NCK2: variants seen among roughly 807,000 people sequenced by gnomAD.
NCK2 encodes the protein cytoplasmic protein NCK2.
Under a neutral mutation model 33.9 loss-of-function variants are expected in NCK2, and 16 were observed. The observed-to-expected ratio is 0.47, with a 90% CI of 0.32 to 0.72. The LOEUF (loss-of-function observed/expected upper bound fraction) is 0.72, where lower values mean the gene tolerates loss of function less well. Ranked by LOEUF, NCK2 falls within the 30% of genes least tolerant of loss-of-function variation. The pLI is 0.03. For synonymous variants in NCK2, 273 were observed against 239.9 expected (o/e 1.14, Z -1.27); for missense variants, 418 against 537.3 (o/e 0.78, Z 2.19).
rs999222911 is a variant in NCK2, at chr2:105,837,215, A to C, written c.-16-17833A>C. On this transcript the variant is annotated intron_variant, in intron 2 of 4. Coordinates refer to ENST00000233154, the MANE Select transcript of NCK2 (RefSeq NM_003581.5). ...CTATTGTTTTAGTTCTTTGTGGATG[A>C]GGTGATTGCTGGGTGTGTCTCTAGT... Among the ~76,000 whole-genome samples the C allele has an allele frequency of 2.2e-4, 33 of 152,138 alleles. No homozygotes were observed. In the East Asian group the frequency reaches 4.6e-3, roughly 21 times the overall value.
In NCK2 at chr2:105,880,936, A is replaced by ATTTTTTTTTTTTTTTTTTTT. The variant is rs59005322; in HGVS notation, c.227-379_227-360dup. Among the ~76,000 whole-genome samples, 40 of 103,554 alleles carry ATTTTTTTTTTTTTTTTTTTT rather than the reference A, an allele frequency of 3.9e-4. 1 individual carries two copies. The highest frequency in any genetic ancestry group is 6.6e-4 in the Non-Finnish European group (34 of 51,854). 67.9% of individuals were successfully genotyped at this position (103,554 alleles called of 152,430 possible). A position where few individuals can be genotyped will look rare whatever the true frequency, so the allele number is the denominator to read the frequency against. On this transcript the variant is annotated intron_variant, in intron 3 of 4. Coordinates refer to ENST00000233154, the MANE Select transcript of NCK2 (RefSeq NM_003581.5). ...CACAGATGTGCACCACAGGTGGCTA[A>ATTTTTTTTTTTTTTTTTTTT]TTTTTTTTTTTTTTTTTTTTTTTTT...
intron 2 of NCK2, among the ~76,000 whole-genome samples, chr2:105,831,073 A>C (rs1363639483): frequency 6.6e-6 from 1 of 152,034 alleles, no homozygotes; most frequent in African/African-American, 2.4e-5. Flanking sequence ...AAAGCTTTTT[A>C]GTTTGATATA....
intron 3 of NCK2, among the ~76,000 whole-genome samples, chr2:105,875,173 T>G (rs1678183273): frequency 1.3e-5 from 2 of 152,180 alleles, no homozygotes; most frequent in South Asian, 4.1e-4. Flanking sequence ...AGCTCTATGC[T>G]CAGGAGCTCT....
At chr2:105,746,740 G>GT (rs1008288386) in intron 1 of NCK2, among the ~76,000 whole-genome samples, 1 of 152,218 alleles carries the variant, frequency 6.6e-6, no homozygotes, top group East Asian at 1.9e-4. Flanking sequence ...TTGTGAAGAA[G>GT]TGAACACGAG....
chr2:105,826,292 G>A (rs180687236), intron 2 of NCK2, among the ~76,000 whole-genome samples: 39 of 152,160 alleles, frequency 2.6e-4, no homozygotes, highest in South Asian at 8.3e-4. Context: ...GGGGGAAACC[G>A]CCCCCATGAC....
chr2:105,804,690 A>G (rs1424253987), intron 1 of NCK2, among the ~76,000 whole-genome samples: 1 of 152,222 alleles, frequency 6.6e-6, no homozygotes, highest in African/African-American at 2.4e-5. Context: ...TTGCAAATTT[A>G]TTTATTGAAT....
At chr2:105,867,174 T>C (rs1677798223) in intron 3 of NCK2, among the ~76,000 whole-genome samples, 2 of 152,244 alleles carry the variant, frequency 1.3e-5, no homozygotes, top group Admixed American at 1.3e-4. Context: ...AATGTTCCGC[T>C]TCTCCAACAA....
rs536759706 is a variant in NCK2, at chr2:105,840,413, C to T, written c.-16-14635C>T. ...GTGAAAAAATATGCAGTTTCTCCTA[C>T]TCTACTCTACTCTCACAACACACTT... is the stretch of plus-strand genomic sequence containing the variant. On this transcript the variant is annotated intron_variant, in intron 2 of 4. Transcript: ENST00000233154. Among the ~76,000 whole-genome samples, 5 of 152,220 alleles carry T rather than the reference C, an allele frequency of 3.3e-5. No homozygotes were observed. In the East Asian group the frequency reaches 9.6e-4, roughly 29 times the overall value.
chr2:105,837,981 A>C (rs1676495664), intron 2 of NCK2, among the ~76,000 whole-genome samples: 2 of 152,228 alleles, frequency 1.3e-5, no homozygotes, highest in Non-Finnish European at 2.9e-5. Context: ...GTACGATTAT[A>C]TGTGCTGTTT....
At chr2:105,798,541 A>G (rs969220084) in intron 1 of NCK2, among the ~76,000 whole-genome samples, 2 of 152,244 alleles carry the variant, frequency 1.3e-5, no homozygotes, top group African/African-American at 2.4e-5. Context: ...TTCATCTTCC[A>G]TATCTGATTC....
chr2:105,827,592 G>A (rs1676002010), intron 2 of NCK2, among the ~76,000 whole-genome samples: 1 of 152,172 alleles, frequency 6.6e-6, no homozygotes, highest in Admixed American at 6.5e-5. Context: ...TGCCATGTTA[G>A]GGCATGTCCT....
chr2:105,746,967 G>T (rs1400860202), intron 1 of NCK2, among the ~76,000 whole-genome samples: 2 of 152,188 alleles, frequency 1.3e-5, no homozygotes, highest in South Asian at 4.1e-4. Context: ...CATTCAGGGG[G>T]GTTGGTCATG....
intron 1 of NCK2, among the ~76,000 whole-genome samples, chr2:105,800,181 C>T (rs751537554): frequency 7.2e-5 from 11 of 152,304 alleles, no homozygotes; most frequent in South Asian, 2.1e-4. Context: ...CCCTGGTCTC[C>T]GGCACGGGGG....
At chr2:105,841,327 A>G (rs958639265) in intron 2 of NCK2, among the ~76,000 whole-genome samples, 1 of 152,202 alleles carries the variant, frequency 6.6e-6, no homozygotes, top group African/African-American at 2.4e-5. Flanking sequence ...GAAAAGCCCT[A>G]AAGTTGGCTT....
chr2:105,787,601 T>C (rs1690724667), intron 1 of NCK2, among the ~76,000 whole-genome samples: 1 of 152,006 alleles, frequency 6.6e-6, no homozygotes, highest in African/African-American at 2.4e-5. Flanking sequence ...CCCCAGCCTG[T>C]GGTCTTTTGT....
At chr2:105,837,917 T>C (rs548945253) in intron 2 of NCK2, among the ~76,000 whole-genome samples, 1 of 152,384 alleles carries the variant, frequency 6.6e-6, no homozygotes, top group South Asian at 2.1e-4. Flanking sequence ...AATTGAGTTA[T>C]TGGTCTTTTT....
intron 1 of NCK2, among the ~76,000 whole-genome samples, chr2:105,773,186 A>G (rs577400655): frequency 1.3e-5 from 2 of 151,944 alleles, no homozygotes; most frequent in African/African-American, 4.8e-5. Context: ...GGCATGAGCC[A>G]CCTACCATCT....
intron 1 of NCK2, among the ~76,000 whole-genome samples, chr2:105,792,615 C>T (rs934777348): frequency 1.3e-5 from 2 of 149,620 alleles, no homozygotes; most frequent in African/African-American, 2.5e-5. Context: ...TTTTTTTTTT[C>T]CACCTTCCCC....
chr2:105,881,527 G>A lies in NCK2; in HGVS notation c.426G>A (p.Glu142=). 6.2e-7 allele frequency: 1 copy of A among 1,614,044 alleles called. No individual in the cohort carries two copies. The highest frequency in any genetic ancestry group is 8.5e-7 in the Non-Finnish European group (1 of 1,180,026). Residue 142 remains glutamate (E), a synonymous_variant, in exon 4 of 5, where the codon GAG becomes GAA. Coordinates refer to ENST00000233154, the MANE Select transcript of NCK2 (RefSeq NM_003581.5). ...LVKGSRVTVM[E]KCSDGWWRGS... is the part of the protein sequence containing the mutation. ...AGGGGTCGCGCGTCACCGTCATGGA[G>A]AAGTGCAGCGACGGTTGGTGGCGGG...
Sources: allele counts gnomAD v4.1 joint callset (sites outside exome capture counted in the v4.1 genomes callset), GRCh38; gene constraint gnomAD v4.1.1; transcripts MANE v1.5; gene names NCBI Gene and HGNC (gene_info 2026-07-23, HGNC 2026-07-21).